TOM1: variants seen among roughly 807,000 people sequenced by gnomAD.
The protein encoded by TOM1 is target of Myb protein 1.
In TOM1, 38 loss-of-function variants were observed where a neutral mutation model predicts 61.3. The observed-to-expected ratio is 0.62, with a 90% CI of 0.48 to 0.81. The LOEUF (loss-of-function observed/expected upper bound fraction) is 0.81, where lower values mean the gene tolerates loss of function less well. TOM1 is among the 40% of genes least tolerant of loss of function. The pLI is 0.00. For missense variants in TOM1, 591 were observed against 659.6 expected, an observed-to-expected ratio of 0.90 and a Z score of 1.14; for synonymous variants, 270 against 268.8, an observed-to-expected ratio of 1.00 and a Z score of -0.04.
At position 35,323,621 on chromosome 22, in the gene TOM1, A is replaced by G; in HGVS notation, c.492A>G (p.Thr164=). 1.2e-6 allele frequency: 2 copies of G among 1,614,002 alleles called. No homozygotes were observed. Among genetic ancestry groups the G allele is most frequent in the Non-Finnish European group, 1.7e-6 (2 of 1,179,998 alleles). ...TDLDMLSPIH[T]PQRTVFNSET... ...TGGACATGCTGTCACCCATCCACAC[A>G]CCCCAGAGGGTGAGAGAACTGCCGT... is the stretch of plus-strand genomic sequence containing the variant. Residue 164 remains threonine, a synonymous_variant, in exon 5 of 15, where the codon ACA becomes ACG. Coordinates refer to ENST00000449058, the MANE Select transcript of TOM1 (RefSeq NM_005488.3). The surrounding 1 kb of genome is among the most constrained non-coding windows in gnomAD (Gnocchi z 4.2).
chr22:35,327,338 C>T lies in TOM1; in HGVS notation c.716C>T (p.Thr239Met), dbSNP rs1408644431. Residue 239 changes from threonine to methionine, a missense_variant, in exon 7 of 15, where the codon ACG becomes ATG. Thr to Met is a moderately conservative substitution (Grantham distance 81). Transcript: ENST00000449058. Reference sequence around the variant, plus strand: ...GTGAGGGTGATGTCGGAGATGCTGACGGAGCTGGTGCCCACCCAGGCCGAG... The same window carrying T: ...GTGAGGGTGATGTCGGAGATGCTGATGGAGCTGGTGCCCACCCAGGCCGAG... ...GNVRVMSEML[T>M]ELVPTQAEPA... 1.1e-5 allele frequency: 18 copies of T among 1,613,860 alleles called. No individual in the cohort carries two copies. The highest frequency in any genetic ancestry group is 1.6e-4 in the Middle Eastern group (1 of 6,080).
chr22:35,318,205 G>A, intron 2 of TOM1: 1 of 568,356 alleles, frequency 1.8e-6, no homozygotes, highest in South Asian at 2.2e-5. Context: ...TGGCAGCCCA[G>A]ATTCCACACG....
chr22:35,322,826 C>T (rs893090311), intron 3 of TOM1, among the ~76,000 whole-genome samples: 2 of 152,212 alleles, frequency 1.3e-5, no homozygotes, highest in Non-Finnish European at 2.9e-5. Context: ...CCTCTGCCCA[C>T]CCTAGGCCGT....
chr22:35,301,009 C>T (rs1367945595), intron 1 of TOM1, among the ~76,000 whole-genome samples: 1 of 145,006 alleles, frequency 6.9e-6, no homozygotes, highest in Non-Finnish European at 1.5e-5. Context: ...CCCAGGAGTT[C>T]GAGACCAGCC....
upstream of TOM1, chr22:35,299,734 G>T (rs1925533915): frequency 9.6e-6 from 6 of 627,084 alleles, no homozygotes; most frequent in Non-Finnish European, 1.6e-5. Flanking sequence ...CGAGCAAGCC[G>T]CAGTGAGGTC....
intron 11 of TOM1, among the ~76,000 whole-genome samples, chr22:35,338,032 A>C (rs1323650357): frequency 6.6e-6 from 1 of 152,008 alleles, no homozygotes; most frequent in Non-Finnish European, 1.5e-5. Flanking sequence ...CACACACAAC[A>C]TACCCTTCCT....
At chr22:35,332,807 C>T (rs187177367) in intron 8 of TOM1, among the ~76,000 whole-genome samples, 174 bp from the exon 9 acceptor site, 4 of 152,254 alleles carry the variant, frequency 2.6e-5, no homozygotes, top group Admixed American at 2.6e-4. Context: ...CTGCTAGTTA[C>T]CCAGGGACAG....
chr22:35,322,316 A>G, intron 3 of TOM1: 1 of 426,890 alleles, frequency 2.3e-6, no homozygotes, highest in South Asian at 3.2e-5. Flanking sequence ...TGTGGGTGAC[A>G]TTGAAGCTCA....
chr22:35,306,132 ATTC>A (rs1926312626), intron 1 of TOM1, among the ~76,000 whole-genome samples: 1 of 137,168 alleles, frequency 7.3e-6, no homozygotes, highest in African/African-American at 2.5e-5. Context: ...ATGAAATATT[ATTC>A]TTCTTCAGCT....
At chr22:35,300,104 C>T in intron 1 of TOM1, 124 bp downstream of exon 1, 1 of 1,080,146 alleles carries the variant, frequency 9.3e-7, no homozygotes, top group Non-Finnish European at 1.3e-6. Context: ...GTGTAGCTCT[C>T]CGACCTGGCT....
Position 35,323,509 on chromosome 22 carries a change from C to T in TOM1, c.380C>T (p.Ala127Val), listed in dbSNP as rs1285037301. The T allele has an allele frequency of 4.3e-6, 7 of 1,614,032 alleles. No individual in the cohort carries two copies. Among genetic ancestry groups the T allele is most frequent in the East Asian group, 2.2e-5 (1 of 44,892 alleles). ...VLNLIQSWAD[A>V]FRSSPDLTGV... ...GTCCCCTCTCAGTCCTGGGCTGACG[C>T]GTTCCGCAGCTCGCCCGATCTGACA... Residue 127 changes from alanine (A) to valine (V), a missense_variant, in exon 5 of 15, where the codon GCG becomes GTG. By Grantham distance (64) the Ala-to-Val change is moderately conservative. Coordinates refer to ENST00000449058, the MANE Select transcript of TOM1 (RefSeq NM_005488.3). The surrounding 1 kb of genome is among the most constrained non-coding windows in gnomAD (Gnocchi z 4.2).
rs543125730 is a variant in TOM1, at chr22:35,300,000, C to T, written c.52+20C>T. ...GCATCGGTGAGTCCCTGGAGCCCCC[C>T]ACAGCTCCGCCCCGGTGCTCCGCAC... On this transcript the variant is annotated intron_variant, in intron 1 of 14. Transcript: ENST00000449058. The T allele has an allele frequency of 1.9e-6, 3 of 1,559,838 alleles. No homozygotes were observed. Among genetic ancestry groups the T allele is most frequent in the Non-Finnish European group, 2.6e-6 (3 of 1,151,414 alleles).
At chr22:35,324,516 C>T (rs1251296736) in intron 6 of TOM1, among the ~76,000 whole-genome samples, 1 of 151,674 alleles carries the variant, frequency 6.6e-6, no homozygotes, top group African/African-American at 2.4e-5. Context: ...TACATTGTAC[C>T]ATGCTGCTTC....
rs200072521 is a variant in TOM1 at position 35,327,300 on chromosome 22, G to A, written c.678G>A (p.Met226Ile). ...GGAAGCTGCGCAGTGAGCTGGAGAT[G>A]GTGAGTGGGAACGTGAGGGTGATGT... Reference protein sequence around the residue: ...QIGKLRSELEMVSGNVRVMSE... With the variant: ...QIGKLRSELEIVSGNVRVMSE... Residue 226 changes from methionine (M) to isoleucine (I), a missense_variant, in exon 7 of 15, where the codon ATG becomes ATA. Physicochemically the swap from Met to Ile is conservative, Grantham distance 10. Coordinates refer to ENST00000449058, the MANE Select transcript of TOM1 (RefSeq NM_005488.3). 8.1e-6 allele frequency: 13 copies of A among 1,613,954 alleles called. No homozygotes were observed. Among genetic ancestry groups the A allele is most frequent in the Middle Eastern group, 1.6e-4 (1 of 6,084 alleles).
intron 13 of TOM1, 24 bp downstream of exon 13, chr22:35,345,808 C>T (rs1191406768): frequency 2.5e-6 from 4 of 1,612,428 alleles, no homozygotes; most frequent in Non-Finnish European, 3.4e-6. Flanking sequence ...CACTCCTCAC[C>T]CACACAGCAG....
At chr22:35,301,243 TACAC>T (rs149137970) in intron 1 of TOM1, among the ~76,000 whole-genome samples, 2 of 150,752 alleles carry the variant, frequency 1.3e-5, no homozygotes, top group East Asian at 1.9e-4. Flanking sequence ...CACATACACA[TACAC>T]ACACACACAC....
At chr22:35,334,859 C>T (rs574965977) in intron 11 of TOM1, among the ~76,000 whole-genome samples, 206 of 137,806 alleles carry the variant, frequency 1.5e-3, no homozygotes, top group Non-Finnish European at 2.2e-3. Flanking sequence ...CACTGTGTAC[C>T]GCATAGTAAG....
Position 35,302,413 on chromosome 22 carries a change from G to A in TOM1, c.52+2433G>A, listed in dbSNP as rs552953589. 8.2e-5 allele frequency among the ~76,000 whole-genome samples: 11 copies of A among 133,880 alleles called. No individual in the cohort carries two copies. In the South Asian group the frequency reaches 9.6e-4, roughly 12 times the overall value. 87.8% of individuals were successfully genotyped at this position (133,880 alleles called of 152,430 possible). On this transcript the variant is annotated intron_variant, in intron 1 of 14. Transcript: ENST00000449058. Reference sequence around the variant, plus strand: ...TGCAATGGCACCATCTTGGCTCACTGCAACTTCCGCCTCCCGGGTTCAAGC... The same window carrying A: ...TGCAATGGCACCATCTTGGCTCACTACAACTTCCGCCTCCCGGGTTCAAGC...
At chr22:35,302,910 A>G (rs541118762) in intron 1 of TOM1, among the ~76,000 whole-genome samples, 1 of 152,204 alleles carries the variant, frequency 6.6e-6, no homozygotes, top group South Asian at 2.1e-4. Flanking sequence ...GGCTGTGATT[A>G]CTGATGACAC....
Sources: allele counts gnomAD v4.1 joint callset (sites outside exome capture counted in the v4.1 genomes callset), GRCh38; gene constraint gnomAD v4.1.1; non-coding constraint Gnocchi (gnomAD v3.1); transcripts MANE v1.5; gene names NCBI Gene and HGNC (gene_info 2026-07-23, HGNC 2026-07-21).